The following PRKCB variants were observed in gnomAD, a reference collection of about 807,000 sequenced individuals.
PRKCB encodes the protein protein kinase C beta.
PRKCB carries 13 observed loss-of-function variants against 81.5 expected under a neutral mutation model. The observed-to-expected ratio is 0.16, with a 90% CI of 0.10 to 0.25. PRKCB has a LOEUF of 0.25. Ranked by LOEUF, PRKCB falls within the 10% of genes least tolerant of loss-of-function variation. PRKCB has a pLI of 1.00. For missense variants in PRKCB, 509 were observed against 875.7 expected (o/e 0.58, Z 5.29); for synonymous variants, 335 against 321.4 (o/e 1.04, Z -0.45).
intron 12 of PRKCB, 95 bp downstream of exon 12, chr16:24,174,675 C>A: frequency 1.7e-6 from 2 of 1,209,214 alleles, no homozygotes; most frequent in Non-Finnish European, 2.4e-6. Flanking sequence ...TTAGAATCCG[C>A]GGTGGGGGAG....
At chr16:24,048,955 C>T (rs533460627) in intron 5 of PRKCB, among the ~76,000 whole-genome samples, 260 of 151,194 alleles carry the variant, frequency 1.7e-3, no homozygotes, top group Non-Finnish European at 2.8e-3. Context: ...CCCAACACTT[C>T]CTGCTAGCCT....
At chr16:23,930,499 G>A (rs1012756048) in intron 2 of PRKCB, among the ~76,000 whole-genome samples, 1 of 152,074 alleles carries the variant, frequency 6.6e-6, no homozygotes, top group African/African-American at 2.4e-5. Flanking sequence ...GACCCAGGAG[G>A]TCGAGGCTTC....
intron 7 of PRKCB, among the ~76,000 whole-genome samples, chr16:24,108,035 C>T (rs1282583281): frequency 1.3e-5 from 2 of 152,212 alleles, no homozygotes; most frequent in Admixed American, 6.5e-5. Context: ...AACACTCTAA[C>T]ACTTGCTCTT....
Position 24,062,061 on chromosome 16 carries a change from T to C in PRKCB, c.529+26514T>C, listed in dbSNP as rs181549288. Among the ~76,000 whole-genome samples, 146 of 152,348 alleles carry C rather than the reference T, an allele frequency of 9.6e-4. 1 individual carries two copies. Among genetic ancestry groups the C allele is most frequent in the Admixed American group, 2.2e-3 (33 of 15,302 alleles). On this transcript the variant is annotated intron_variant, in intron 5 of 16. Coordinates refer to ENST00000643927, the MANE Select transcript of PRKCB (RefSeq NM_002738.7). The stretch of plus-strand genomic sequence containing the variant: ...CCCCTGGTATCCCAACCCACTGCTA[T>C]GTTGTTATTAGCAAGATACGTTTCC...
chr16:24,007,278 T>C (rs1362425500), intron 3 of PRKCB, among the ~76,000 whole-genome samples: 1 of 152,184 alleles, frequency 6.6e-6, no homozygotes, highest in Non-Finnish European at 1.5e-5. Flanking sequence ...GTTAATATTA[T>C]TGCCACAAAT....
chr16:24,050,466 AACACACACACAC>A (rs3051483), intron 5 of PRKCB, among the ~76,000 whole-genome samples: 11 of 149,374 alleles, frequency 7.4e-5, no homozygotes, highest in African/African-American at 2.4e-4. Flanking sequence ...GGTTTTATGT[AACACACACACAC>A]ACACACACAC....
chr16:24,188,092 A>G (rs1967732507), intron 15 of PRKCB, among the ~76,000 whole-genome samples: 1 of 152,178 alleles, frequency 6.6e-6, no homozygotes, highest in East Asian at 1.9e-4. Context: ...AGCATTTTCC[A>G]GGTCAGCTGC....
intron 16 of PRKCB, among the ~76,000 whole-genome samples, chr16:24,200,451 G>T (rs1596595895): frequency 6.6e-6 from 1 of 152,170 alleles, no homozygotes; most frequent in African/African-American, 2.4e-5. Flanking sequence ...GAATTGTCAG[G>T]TTCCTGAGCC....
intron 2 of PRKCB, among the ~76,000 whole-genome samples, chr16:23,929,486 T>C (rs577814974): frequency 2.0e-4 from 31 of 152,164 alleles, no homozygotes; most frequent in African/African-American, 7.0e-4. Flanking sequence ...AAATACCTCA[T>C]AGAGGGTTGT....
At chr16:24,002,365 A>C (rs1212798344) in intron 3 of PRKCB, among the ~76,000 whole-genome samples, 1 of 151,136 alleles carries the variant, frequency 6.6e-6, no homozygotes, top group Admixed American at 6.6e-5. Context: ...GTGTGTGTGA[A>C]ATGGAGTCTC....
At chr16:24,196,030 A>G (rs1430488214) in intron 16 of PRKCB, among the ~76,000 whole-genome samples, 2 of 152,058 alleles carry the variant, frequency 1.3e-5, no homozygotes, top group Non-Finnish European at 2.9e-5. Context: ...TAGAACATCA[A>G]CCGCTCAGGG....
At chr16:23,937,794 A>G (rs773696056) in intron 2 of PRKCB, among the ~76,000 whole-genome samples, 1 of 152,214 alleles carries the variant, frequency 6.6e-6, no homozygotes, top group African/African-American at 2.4e-5. Flanking sequence ...TACGATGGCT[A>G]ATTTTCCTAC....
At chr16:23,844,808 CTT>C (rs560552267) in intron 2 of PRKCB, among the ~76,000 whole-genome samples, 2 of 149,928 alleles carry the variant, frequency 1.3e-5, no homozygotes, top group African/African-American at 4.9e-5. Context: ...CGCCCAGTCT[CTT>C]TTTTTTGTTT....
intron 2 of PRKCB, among the ~76,000 whole-genome samples, chr16:23,892,551 A>C (rs576721011): frequency 3.3e-5 from 5 of 152,344 alleles, no homozygotes; most frequent in Admixed American, 2.0e-4. Flanking sequence ...TTGTCTTTGT[A>C]ATATAGTTTA....
intron 2 of PRKCB, among the ~76,000 whole-genome samples, chr16:23,863,213 TAC>T (rs146341439): frequency 0.21 from 10,359 of 50,372 alleles, 558 homozygotes; most frequent in Admixed American, 0.26. Flanking sequence ...TGTGTATATA[TAC>T]ATACATATAT....
chr16:23,864,805 A>G (rs1023946418), intron 2 of PRKCB, among the ~76,000 whole-genome samples: 1 of 151,908 alleles, frequency 6.6e-6, no homozygotes, highest in Non-Finnish European at 1.5e-5. Context: ...GCGTGATGCT[A>G]AGGTTAGGGT....
At chr16:23,985,140 G>A (rs1284048473) in intron 2 of PRKCB, among the ~76,000 whole-genome samples, 1 of 152,146 alleles carries the variant, frequency 6.6e-6, no homozygotes, top group East Asian at 1.9e-4. Flanking sequence ...TGCCCAGGCT[G>A]GAGTGCAGTG....
intron 5 of PRKCB, among the ~76,000 whole-genome samples, chr16:24,056,203 G>A (rs1280999513): frequency 6.6e-6 from 1 of 152,196 alleles, no homozygotes; most frequent in Non-Finnish European, 1.5e-5. Flanking sequence ...CTCCCTTGGG[G>A]TTCTCCTTGG....
intron 7 of PRKCB, 118 bp from the exon 8 acceptor site, chr16:24,112,846 ACCAAAAAAC>A: frequency 1.8e-6 from 1 of 568,478 alleles, no homozygotes; most frequent in East Asian, 3.2e-5. Context: ...ACCAAAACAA[ACCAAAAAAC>A]CCTCAACGTA....
Sources: allele counts gnomAD v4.1 joint callset (sites outside exome capture counted in the v4.1 genomes callset), GRCh38; gene constraint gnomAD v4.1.1; transcripts MANE v1.5; gene names NCBI Gene and HGNC (gene_info 2026-07-23, HGNC 2026-07-21).